The following BEST3 variants were observed in gnomAD, a reference collection of about 807,000 sequenced individuals.
BEST3 encodes bestrophin-3.
In BEST3, 50 loss-of-function variants were observed where a neutral mutation model predicts 47.1. That is an observed-to-expected ratio of 1.06 (90% CI 0.85 to 1.34). BEST3 has a LOEUF of 1.34. Among genes scored for constraint, BEST3 ranks in the 40% most tolerant of loss-of-function variants. The pLI, the probability that BEST3 is intolerant of heterozygous loss-of-function variation, is 0.00. For synonymous variants in BEST3, 282 were observed against 298.8 expected, an observed-to-expected ratio of 0.94 and a Z score of 0.58; for missense variants, 765 against 817.0, an observed-to-expected ratio of 0.94 and a Z score of 0.78.
At chr12:69,686,603 C>G (rs1346758589) in intron 4 of BEST3, among the ~76,000 whole-genome samples, 1 of 151,624 alleles carries the variant, frequency 6.6e-6, no homozygotes, top group Non-Finnish European at 1.5e-5. Context: ...GAAACCCTGT[C>G]TCTACTAAAA....
chr12:69,687,811 A>G (rs955599261), intron 4 of BEST3, among the ~76,000 whole-genome samples: 4 of 152,246 alleles, frequency 2.6e-5, no homozygotes, highest in Admixed American at 6.5e-5. Flanking sequence ...CAATGCAGAG[A>G]TGTAAAGTTT....
chr12:69,684,787 C>T (rs1042881761), intron 4 of BEST3, among the ~76,000 whole-genome samples: 3 of 152,120 alleles, frequency 2.0e-5, no homozygotes, highest in Admixed American at 6.5e-5. Context: ...TTTAGAAATC[C>T]CTGTCAATTG....
intron 4 of BEST3, chr12:69,689,332 C>T (rs937604575): frequency 3.1e-5 from 28 of 903,310 alleles, no homozygotes; most frequent in Admixed American, 2.5e-4. Context: ...CAGCGGGTGC[C>T]GGCCTGGGGC....
At chr12:69,663,694 A>C (rs1453106237) in intron 9 of BEST3, among the ~76,000 whole-genome samples, 1 of 152,066 alleles carries the variant, frequency 6.6e-6, no homozygotes, top group Non-Finnish European at 1.5e-5. Context: ...GGTGTCATGC[A>C]CTTGTAGTCC....
downstream of BEST3, among the ~76,000 whole-genome samples, chr12:69,650,130 T>A (rs1204383887): frequency 6.6e-6 from 1 of 152,234 alleles, no homozygotes; most frequent in Non-Finnish European, 1.5e-5. Context: ...GGGAAATTGG[T>A]GCATTTTCCA....
chr12:69,666,113 G>T (rs181965079), intron 9 of BEST3, among the ~76,000 whole-genome samples: 6 of 152,238 alleles, frequency 3.9e-5, no homozygotes, highest in Non-Finnish European at 8.8e-5. Flanking sequence ...TTCCCCTCCT[G>T]GGTTCAAGTG....
chr12:69,693,729 C>T lies in BEST3; in HGVS notation c.426G>A (p.Ser142=), dbSNP rs749597547. 229 of 1,614,022 alleles carry T rather than the reference C, an allele frequency of 1.4e-4. 1 individual carries two copies. The highest frequency in any genetic ancestry group is 1.2e-3 in the South Asian group (107 of 91,092). The change falls in exon 4 of 10, where the codon TCG becomes TCA. Residue 142 remains serine (S), a synonymous_variant. Transcript: ENST00000330891. ...ATCTTTTGTACACAGCAGTGCTCAC[C>T]GAGCGAAAGATGAGCAGGGAGGTGA... is the stretch of plus-strand genomic sequence containing the variant. ...VNLTSLLIFR[S]VSTAVYKRFP...
intron 9 of BEST3, among the ~76,000 whole-genome samples, chr12:69,667,620 A>G (rs1466692287): frequency 1.3e-5 from 2 of 152,122 alleles, no homozygotes; most frequent in Non-Finnish European, 2.9e-5. Flanking sequence ...AAGGATGCAT[A>G]TTAGAGTCCC....
intron 5 of BEST3, 111 bp from the exon 6 acceptor site, chr12:69,677,368 A>G: frequency 1.1e-6 from 1 of 948,966 alleles, no homozygotes; most frequent in Non-Finnish European, 1.7e-6. Flanking sequence ...CTGTAAGGCT[A>G]GTAAACTGAT....
intron 4 of BEST3, among the ~76,000 whole-genome samples, chr12:69,680,324 T>TTTTTTTTTTTTTTTTTTTTTTG (rs1885177727): frequency 7.0e-6 from 1 of 142,388 alleles, no homozygotes; most frequent in Non-Finnish European, 1.5e-5. Context: ...TTTTTTTTTT[T>TTTTTTTTTTTTTTTTTTTTTTG]TTTAGATGGA....
chr12:69,666,405 C>T (rs1200441210), intron 9 of BEST3, among the ~76,000 whole-genome samples: 2 of 152,220 alleles, frequency 1.3e-5, no homozygotes, highest in African/African-American at 4.8e-5. Flanking sequence ...CACTTCTAAC[C>T]TACTATGGTT....
intron 3 of BEST3, 125 bp downstream of exon 3, chr12:69,694,245 T>A (rs1480339492): frequency 1.7e-5 from 11 of 632,500 alleles, no homozygotes; most frequent in Non-Finnish European, 3.0e-5. Flanking sequence ...ATGATTCTGG[T>A]TCTATTGCAA....
At chr12:69,698,669 C>G (rs1886220375) in intron 1 of BEST3, among the ~76,000 whole-genome samples, 1 of 152,162 alleles carries the variant, frequency 6.6e-6, no homozygotes, top group Admixed American at 6.5e-5. Flanking sequence ...GTACTAGACA[C>G]AAAAAATAAA....
intron 4 of BEST3, among the ~76,000 whole-genome samples, chr12:69,681,614 T>C (rs1885257162): frequency 6.6e-6 from 1 of 152,154 alleles, no homozygotes; most frequent in Non-Finnish European, 1.5e-5. Context: ...TGATGTGACT[T>C]AGGCCGTTGT....
intron 7 of BEST3, among the ~76,000 whole-genome samples, chr12:69,674,583 A>C (rs1047233913): frequency 1.3e-5 from 2 of 152,196 alleles, no homozygotes; most frequent in African/African-American, 4.8e-5. Flanking sequence ...AGATTAATTA[A>C]GGGTACTGGT....
At position 69,697,742 on chromosome 12, in the gene BEST3, C is replaced by T. The variant is rs1565846932; in HGVS notation, c.57G>A (p.Arg19=). 1 of 1,612,782 alleles carries T rather than the reference C, an allele frequency of 6.2e-7. No homozygotes were observed. ...VANATFFGFH[R]LLLKWRGSIY... ...TGCTGCCTCTCCACTTGAGGAGTAA[C>T]CTATGAAATCCAAAAAAAGTTGCAT... The change falls in exon 2 of 10, where the codon AGG becomes AGA. Residue 19 remains arginine, a synonymous_variant. Coordinates refer to ENST00000330891, the MANE Select transcript of BEST3 (RefSeq NM_032735.3).
At chr12:69,647,613 G>GA (rs1456499286) in intron 9 of BEST3, among the ~76,000 whole-genome samples, 2 of 151,978 alleles carry the variant, frequency 1.3e-5, no homozygotes, top group African/African-American at 2.4e-5. Context: ...ACTCTATGGA[G>GA]AAAAAAACAA....
At chr12:69,693,191 G>A (rs1885989660) in intron 4 of BEST3, among the ~76,000 whole-genome samples, 1 of 151,174 alleles carries the variant, frequency 6.6e-6, no homozygotes, top group Non-Finnish European at 1.5e-5. Flanking sequence ...CACATAGTAG[G>A]TAATCAATAA....
At chr12:69,675,274 C>A (rs1884841556) in intron 7 of BEST3, among the ~76,000 whole-genome samples, 2 of 152,080 alleles carry the variant, frequency 1.3e-5, no homozygotes, top group African/African-American at 2.4e-5. Context: ...CATGCGCCAC[C>A]ATGCCTGCTA....
Sources: gnomAD v4.1 joint callset for allele counts (sites outside exome capture counted in the v4.1 genomes callset) on GRCh38, gnomAD v4.1.1 for gene constraint, MANE v1.5 for transcripts, NCBI Gene and HGNC (gene_info 2026-07-23, HGNC 2026-07-21) for gene names.